The following RB1 variants were observed in gnomAD, a reference collection of about 807,000 sequenced individuals.
RB1 encodes retinoblastoma-associated protein.
RB1 carries 18 observed loss-of-function variants against 135.4 expected under a neutral mutation model. The ratio of observed to expected loss-of-function variants is 0.13; its 90% CI spans 0.09 to 0.20. RB1 has a LOEUF of 0.20. Ranked by LOEUF, RB1 falls within the 10% of genes least tolerant of loss-of-function variation. The pLI, the probability that RB1 is intolerant of heterozygous loss-of-function variation, is 1.00. For synonymous variants in RB1, 365 were observed against 373.2 expected, an observed-to-expected ratio of 0.98 and a Z score of 0.25; for missense variants, 868 against 1,110.0, an observed-to-expected ratio of 0.78 and a Z score of 3.10.
chr13:48,319,096 C>A lies in RB1; in HGVS notation c.264+11690C>A. On this transcript the variant is annotated intron_variant, in intron 2 of 26. Transcript: ENST00000267163. The surrounding 1 kb of genome is among the most constrained non-coding windows in gnomAD (Gnocchi z 5.0). Reference sequence around the variant, plus strand: ...ACGAGGACCGTTCTACAAACTCGTTCCTGGAAGCCGGGCTCGCTGGAGGCG... The same window carrying A: ...ACGAGGACCGTTCTACAAACTCGTTACTGGAAGCCGGGCTCGCTGGAGGCG... 1.6e-6 allele frequency: 1 copy of A among 613,988 alleles called. No homozygotes were observed. Among genetic ancestry groups the A allele is most frequent in the South Asian group, 1.5e-5 (1 of 65,876 alleles). 38.0% of individuals were successfully genotyped at this position (613,988 alleles called of 1,614,324 possible).
At chr13:48,412,090 C>T (rs749230463) in intron 17 of RB1, 3 of 1,613,040 alleles carry the variant, frequency 1.9e-6, no homozygotes, top group African/African-American at 2.7e-5. Flanking sequence ...AATCGATCTA[C>T]ACTAATACAG....
At chr13:48,478,269 T>G (rs1198321256) in intron 26 of RB1, among the ~76,000 whole-genome samples, 1 of 152,104 alleles carries the variant, frequency 6.6e-6, no homozygotes, top group East Asian at 1.9e-4. Flanking sequence ...ACTTTGAAAA[T>G]AAGATATTTA....
intron 17 of RB1, among the ~76,000 whole-genome samples, chr13:48,422,283 C>T (rs913425266): frequency 1.3e-5 from 2 of 152,046 alleles, no homozygotes; most frequent in African/African-American, 2.4e-5. Context: ...AACCAAACAC[C>T]GCATGTTCTC....
chr13:48,436,386 T>G (rs190294194), intron 17 of RB1, among the ~76,000 whole-genome samples: 1 of 152,316 alleles, frequency 6.6e-6, no homozygotes, highest in African/African-American at 2.4e-5. Flanking sequence ...CTCATGCTTG[T>G]AATCTCAGCA....
chr13:48,339,972 A>G (rs965869405), intron 2 of RB1, among the ~76,000 whole-genome samples: 3 of 152,222 alleles, frequency 2.0e-5, no homozygotes, highest in African/African-American at 7.2e-5. Context: ...TCAATGGAAC[A>G]GAACAGATAA....
chr13:48,336,464 T>G (rs549431855), intron 2 of RB1, among the ~76,000 whole-genome samples: 12 of 152,296 alleles, frequency 7.9e-5, no homozygotes, highest in African/African-American at 2.9e-4. Flanking sequence ...TTTTCTAGTT[T>G]ATTTGCGTAG....
In RB1 at chr13:48,460,645, C is replaced by T. The variant is rs4151599; in HGVS notation, c.2106+812C>T. 1.0e-2 allele frequency among the ~76,000 whole-genome samples: 1,518 copies of T among 152,206 alleles called. 36 individuals carry two copies. Among genetic ancestry groups the T allele is most frequent in the African/African-American group, 0.035 (1,440 of 41,528 alleles). On this transcript the variant is annotated intron_variant, in intron 20 of 26. Transcript: ENST00000267163. ...TCATTTTTCATCTCCTCCTTTTTCTCTATAAAATAGGTTAATAAGAACAAT... is the reference window on the plus strand; with the variant it reads ...TCATTTTTCATCTCCTCCTTTTTCTTTATAAAATAGGTTAATAAGAACAAT...
At chr13:48,321,956 C>G (rs935938662) in intron 2 of RB1, among the ~76,000 whole-genome samples, 1 of 152,168 alleles carries the variant, frequency 6.6e-6, no homozygotes, top group Non-Finnish European at 1.5e-5. Context: ...CTTGTAGATT[C>G]TGGATCCTTT....
intron 2 of RB1, chr13:48,317,116 C>T: frequency 1.1e-6 from 1 of 904,788 alleles, no homozygotes; most frequent in South Asian, 2.8e-5. Context: ...TGTGGGCTTC[C>T]AAAGACAGGG....
intron 17 of RB1, among the ~76,000 whole-genome samples, chr13:48,448,011 T>A (rs1412825889): frequency 1.3e-5 from 2 of 152,192 alleles, no homozygotes; most frequent in African/African-American, 4.8e-5. Flanking sequence ...TAATCACACA[T>A]CTTTGCAAGG....
At chr13:48,474,795 G>T (rs1490217017) in intron 24 of RB1, among the ~76,000 whole-genome samples, 1 of 152,094 alleles carries the variant, frequency 6.6e-6, no homozygotes, top group Non-Finnish European at 1.5e-5. Flanking sequence ...CACAACCCTA[G>T]TTGGCCTTCC....
At chr13:48,458,328 T>G (rs940862760) in intron 19 of RB1, among the ~76,000 whole-genome samples, 3 of 152,200 alleles carry the variant, frequency 2.0e-5, no homozygotes, top group African/African-American at 7.2e-5. Context: ...GATTTGAGTG[T>G]CTGTGCATGC....
At chr13:48,318,826 C>G in intron 2 of RB1, 1 of 988,464 alleles carries the variant, frequency 1.0e-6, no homozygotes, top group South Asian at 1.3e-5. Context: ...CAGCTCTCAC[C>G]TCTGGCCAGC....
At chr13:48,315,737 A>T (rs1166307558) in intron 2 of RB1, among the ~76,000 whole-genome samples, 1 of 152,156 alleles carries the variant, frequency 6.6e-6, no homozygotes, top group African/African-American at 2.4e-5. Flanking sequence ...CACTTTCTTT[A>T]TCCACTAATC....
chr13:48,340,955 C>T (rs959253125), intron 2 of RB1: 1 of 152,002 alleles, frequency 6.6e-6, no homozygotes, highest in Non-Finnish European at 1.5e-5. Context: ...CAAAATATGC[C>T]AATTTTAAGT....
intron 17 of RB1, 118 bp from the exon 18 acceptor site, chr13:48,452,875 C>T: frequency 7.2e-7 from 1 of 1,397,352 alleles, no homozygotes; most frequent in South Asian, 1.3e-5. Flanking sequence ...TTTAAATTGC[C>T]ACTGTCAATT....
intron 2 of RB1, among the ~76,000 whole-genome samples, chr13:48,312,755 C>G (rs1247800353): frequency 1.3e-5 from 2 of 151,946 alleles, no homozygotes; most frequent in Non-Finnish European, 2.9e-5. Flanking sequence ...TTTTTAATTT[C>G]AGAAGGTGGA....
intron 1 of RB1, among the ~76,000 whole-genome samples, chr13:48,306,825 G>A (rs944190493): frequency 2.0e-5 from 3 of 152,140 alleles, no homozygotes; most frequent in African/African-American, 4.8e-5. Context: ...ATAAGCAGTC[G>A]CATCATGTAA....
intron 17 of RB1, among the ~76,000 whole-genome samples, chr13:48,420,082 C>T (rs1317385670): frequency 6.6e-6 from 1 of 151,970 alleles, no homozygotes; most frequent in African/African-American, 2.4e-5. Context: ...AGAGACACAA[C>T]AAAAAAAGAA....
Sources: gnomAD v4.1 joint callset for allele counts (sites outside exome capture counted in the v4.1 genomes callset) on GRCh38, gnomAD v4.1.1 for gene constraint, Gnocchi (gnomAD v3.1) non-coding constraint, MANE v1.5 for transcripts, NCBI Gene and HGNC (gene_info 2026-07-23, HGNC 2026-07-21) for gene names.